SNX31: variants seen among roughly 807,000 people sequenced by gnomAD.
The protein encoded by SNX31 is sorting nexin-31.
SNX31 carries 58 observed loss-of-function variants against 65.4 expected under a neutral mutation model. That is an observed-to-expected ratio of 0.89 (90% CI 0.72 to 1.10). The LOEUF (loss-of-function observed/expected upper bound fraction) is 1.10. Ranked by LOEUF, SNX31 falls within the 50% of genes least tolerant of loss-of-function variation. SNX31 has a pLI of 0.00. For missense variants in SNX31, 523 were observed against 529.7 expected, an observed-to-expected ratio of 0.99 and a Z score of 0.12; for synonymous variants, 181 against 190.1, an observed-to-expected ratio of 0.95 and a Z score of 0.39.
At chr8:100,595,331 A>C (rs73272374) in intron 10 of SNX31, among the ~76,000 whole-genome samples, 5,912 of 146,744 alleles carry the variant, frequency 0.04, 455 homozygotes, top group African/African-American at 0.14. Flanking sequence ...TTTTTTTTTC[A>C]GATGGGTCTC....
Position 100,625,946 on chromosome 8 carries a change from G to C in SNX31, c.321+4381C>G, listed in dbSNP as rs1818014140. Among the ~76,000 whole-genome samples, 1 of 152,148 alleles carries C rather than the reference G, an allele frequency of 6.6e-6. No individual in the cohort carries two copies. Among genetic ancestry groups the C allele is most frequent in the African/African-American group, 2.4e-5 (1 of 41,430 alleles). ...TTTGCTTTTTAAAACCTATATCTTGGCCAGGCATGGTAGCTCACACCTATA... is the reference window on the plus strand; with the variant it reads ...TTTGCTTTTTAAAACCTATATCTTGCCCAGGCATGGTAGCTCACACCTATA... On this transcript the variant is annotated intron_variant, in intron 4 of 13. Transcript: ENST00000311812. This position sits in a 1 kb window ranked among gnomAD's most constrained non-coding sequence, Gnocchi z 4.2.
rs778206463 is a variant in SNX31, at chr8:100,630,371, A to C, written c.277T>G (p.Leu93Val). 4 of 1,613,516 alleles carry C rather than the reference A, an allele frequency of 2.5e-6. No individual in the cohort carries two copies. In the Admixed American group the frequency reaches 5.0e-5, roughly 20 times the overall value. ...LQNVTMDPNV[L>V]RSDVFVEFLK... ...AACTCAACGAAGACATCACTTCTCAACACGTTTGGGTCCATGGTTACTGAA... is the reference window on the plus strand; with the variant it reads ...AACTCAACGAAGACATCACTTCTCACCACGTTTGGGTCCATGGTTACTGAA... The change falls in exon 4 of 14, where the codon TTG (leucine) becomes GTG (valine). Residue 93 changes from leucine to valine, a missense_variant. Coordinates refer to ENST00000311812, the MANE Select transcript of SNX31 (RefSeq NM_152628.4). The surrounding 1 kb of genome is among the most constrained non-coding windows in gnomAD (Gnocchi z 5.3).
chr8:100,649,130 T>C, intron 2 of SNX31, 144 bp downstream of exon 2: 1 of 733,806 alleles, frequency 1.4e-6, no homozygotes, highest in South Asian at 1.7e-5. Flanking sequence ...AGTTCATCCT[T>C]ACCAGGACCC....
rs75692429 is a variant in SNX31 at position 100,602,112 on chromosome 8, C to T, written c.682-1671G>A. ...CCCTAAGGGAAGACCCCGCGCCCGTCGTCTCAGTGTGCCTTGCCCAGTGTC... is the reference window on the plus strand; with the variant it reads ...CCCTAAGGGAAGACCCCGCGCCCGTTGTCTCAGTGTGCCTTGCCCAGTGTC... On this transcript the variant is annotated intron_variant, in intron 8 of 13. Transcript: ENST00000311812. Among the ~76,000 whole-genome samples, 875 of 152,322 alleles carry T rather than the reference C, an allele frequency of 5.7e-3. 5 individuals are homozygous for T. The highest frequency in any genetic ancestry group is 0.02 in the African/African-American group (811 of 41,566).
intron 10 of SNX31, 143 bp from the exon 11 acceptor site, chr8:100,589,122 G>A: frequency 1.9e-6 from 1 of 533,730 alleles, no homozygotes; most frequent in Non-Finnish European, 3.3e-6. Context: ...CCAACATGGT[G>A]AAACCCCATC....
rs770482441 is a variant in SNX31 at position 100,610,818 on chromosome 8, G to A, written c.611+1182C>T. 6.6e-6 allele frequency among the ~76,000 whole-genome samples: 1 copy of A among 152,182 alleles called. No individual in the cohort carries two copies. The highest frequency in any genetic ancestry group is 1.5e-5 in the Non-Finnish European group (1 of 68,034). ...CTTCCACAATTCAAAGCCACAAACT[G>A]GAGCTCTAGAGCAAGGCATCACAAG... On this transcript the variant is annotated intron_variant, in intron 7 of 13. Transcript: ENST00000311812. This position sits in a 1 kb window ranked among gnomAD's most constrained non-coding sequence, Gnocchi z 4.0.
intron 12 of SNX31, among the ~76,000 whole-genome samples, chr8:100,580,567 A>G (rs576478151): frequency 9.2e-5 from 14 of 152,340 alleles, no homozygotes; most frequent in Admixed American, 9.1e-4. Flanking sequence ...ACTTCTCCTT[A>G]AAGAAAAGAA....
Position 100,573,456 on chromosome 8 carries a change from A to T in SNX31, c.*409T>A, listed in dbSNP as rs1312712441. ...GAAATCGATCCAAAATATCTTTATGATATTTTATGAGACTTTCATTTATGT... is the reference window on the plus strand; with the variant it reads ...GAAATCGATCCAAAATATCTTTATGTTATTTTATGAGACTTTCATTTATGT... On this transcript the variant is annotated 3_prime_UTR_variant, in exon 14 of 14. Coordinates refer to ENST00000311812, the MANE Select transcript of SNX31 (RefSeq NM_152628.4). 1.3e-5 allele frequency: 2 copies of T among 152,978 alleles called. No individual in the cohort carries two copies. Among genetic ancestry groups the T allele is most frequent in the African/African-American group, 4.8e-5 (2 of 41,464 alleles). 9.5% of individuals were successfully genotyped at this position (152,978 alleles called of 1,614,324 possible).
chr8:100,591,144 C>T (rs1359220535), intron 10 of SNX31, among the ~76,000 whole-genome samples: 2 of 151,970 alleles, frequency 1.3e-5, no homozygotes, highest in African/African-American at 4.8e-5. Context: ...ATAGAGTAAA[C>T]CTACATGAGG....
In SNX31 at chr8:100,622,802, A is replaced by T. The variant is rs899851151; in HGVS notation, c.322-5072T>A. Among the ~76,000 whole-genome samples, 5 of 152,220 alleles carry T rather than the reference A, an allele frequency of 3.3e-5. No individual in the cohort carries two copies. The highest frequency in any genetic ancestry group is 1.2e-4 in the African/African-American group (5 of 41,446). On this transcript the variant is annotated intron_variant, in intron 4 of 13. Coordinates refer to ENST00000311812, the MANE Select transcript of SNX31 (RefSeq NM_152628.4). The surrounding 1 kb of genome is among the most constrained non-coding windows in gnomAD (Gnocchi z 5.0). ...TTATCCTACAGATATGTAAGAAGAG[A>T]ATATTAAGGCTAAAGCCTCCAATGT...
Position 100,578,351 on chromosome 8 carries a change from C to G in SNX31, c.1171-1276G>C, listed in dbSNP as rs768090801. The stretch of plus-strand genomic sequence containing the variant: ...TATTTATTTACCCTACAATTGTCAA[C>G]GTCTCTGTATTAATCGCCTTTCTCC... On this transcript the variant is annotated intron_variant, in intron 12 of 13. Coordinates refer to ENST00000311812, the MANE Select transcript of SNX31 (RefSeq NM_152628.4). The surrounding 1 kb of genome is among the most constrained non-coding windows in gnomAD (Gnocchi z 4.7). Among the ~76,000 whole-genome samples the G allele has an allele frequency of 9.9e-5, 15 of 152,190 alleles. No homozygotes were observed. Among genetic ancestry groups the G allele is most frequent in the Non-Finnish European group, 2.2e-4 (15 of 68,032 alleles).
chr8:100,600,433 C>T lies in SNX31; in HGVS notation c.690G>A (p.Gln230=), dbSNP rs368885001. 6.2e-7 allele frequency: 1 copy of T among 1,610,112 alleles called. No homozygotes were observed. The highest frequency in any genetic ancestry group is 1.1e-5 in the South Asian group (1 of 89,992). ...AVDLLYMQAI[Q]DIEKGWAKPT... ...GTTTGGCCCATCCTTTTTCAATGTC[C>T]TGTATTGCCTTAAAATAACATAAGT... Residue 230 remains glutamine (Q), a synonymous_variant, in exon 9 of 14, where the codon CAG becomes CAA. Coordinates refer to ENST00000311812, the MANE Select transcript of SNX31 (RefSeq NM_152628.4).
chr8:100,658,733 A>T (rs1253110799), intron 1 of SNX31, among the ~76,000 whole-genome samples: 1 of 152,194 alleles, frequency 6.6e-6, no homozygotes, highest in Admixed American at 6.5e-5. Flanking sequence ...CACTAGGACC[A>T]CAGTGGGGCA....
intron 11 of SNX31, among the ~76,000 whole-genome samples, chr8:100,587,373 A>T (rs1018804815): frequency 1.3e-5 from 2 of 152,216 alleles, no homozygotes; most frequent in Non-Finnish European, 2.9e-5. Flanking sequence ...TCCACACCTG[A>T]TCTCCTGTGA....
rs1448125247 is a variant in SNX31, at chr8:100,614,885, A to C, written c.433-1800T>G. Reference sequence around the variant, plus strand: ...CAAGAGTGAAACTCCATTTCAAAACAACAACCAAAAAAGAGACCATTGAAA... The same window carrying C: ...CAAGAGTGAAACTCCATTTCAAAACCACAACCAAAAAAGAGACCATTGAAA... On this transcript the variant is annotated intron_variant, in intron 5 of 13. Coordinates refer to ENST00000311812, the MANE Select transcript of SNX31 (RefSeq NM_152628.4). This position sits in a 1 kb window ranked among gnomAD's most constrained non-coding sequence, Gnocchi z 5.1. Among the ~76,000 whole-genome samples, 2 of 152,168 alleles carry C rather than the reference A, an allele frequency of 1.3e-5. No homozygotes were observed. The highest frequency in any genetic ancestry group is 2.9e-5 in the Non-Finnish European group (2 of 68,022).
chr8:100,592,056 AAAAC>A lies in SNX31; in HGVS notation c.979-3081_979-3078del, dbSNP rs541843209. Among the ~76,000 whole-genome samples, 13 of 152,350 alleles carry A rather than the reference AAAAC, an allele frequency of 8.5e-5. No homozygotes were observed. The East Asian group carries it at 2.3e-3, about 27-fold the overall frequency. ...AGTACATACTCAATGTCAGGTGATA[AAAAC>A]AAACAAACAGAAAGCAAAAAGAAAA... is the stretch of plus-strand genomic sequence containing the variant. On this transcript the variant is annotated intron_variant, in intron 10 of 13. Coordinates refer to ENST00000311812, the MANE Select transcript of SNX31 (RefSeq NM_152628.4).
chr8:100,597,900 C>T (rs986552436), intron 9 of SNX31, among the ~76,000 whole-genome samples: 4 of 152,234 alleles, frequency 2.6e-5, no homozygotes, highest in South Asian at 2.1e-4. Flanking sequence ...GTGAACTCCA[C>T]TCTGTTCTTC....
chr8:100,627,440 G>A (rs1818117071), intron 4 of SNX31, among the ~76,000 whole-genome samples: 8 of 152,162 alleles, frequency 5.3e-5, no homozygotes, highest in Admixed American at 5.2e-4. Flanking sequence ...GCAAAACCCA[G>A]AATGCACCCC....
chr8:100,657,259 C>G (rs924781803), intron 1 of SNX31, among the ~76,000 whole-genome samples: 3 of 151,914 alleles, frequency 2.0e-5, no homozygotes, highest in Admixed American at 6.6e-5. Flanking sequence ...TCAAGACCAG[C>G]CTGACCAACA....
Sources: gnomAD v4.1 joint callset for allele counts (sites outside exome capture counted in the v4.1 genomes callset) on GRCh38, gnomAD v4.1.1 for gene constraint, Gnocchi (gnomAD v3.1) non-coding constraint, MANE v1.5 for transcripts, NCBI Gene and HGNC (gene_info 2026-07-23, HGNC 2026-07-21) for gene names.